TBC1D32: variants seen among roughly 807,000 people sequenced by gnomAD.
TBC1D32 encodes the protein protein broad-minded.
Under a neutral mutation model 170.3 loss-of-function variants are expected in TBC1D32, and 151 were observed. That is an observed-to-expected ratio of 0.89 (90% CI 0.78 to 1.01). TBC1D32 has a LOEUF of 1.01. TBC1D32 is among the 50% of genes least tolerant of loss of function. The pLI is 0.00. For synonymous variants in TBC1D32, 498 were observed against 488.0 expected, an observed-to-expected ratio of 1.02 and a Z score of -0.27; for missense variants, 1,464 against 1,457.1, an observed-to-expected ratio of 1.00 and a Z score of -0.08.
intron 4 of TBC1D32, among the ~76,000 whole-genome samples, chr6:121,310,366 G>A (rs113219297): frequency 0.014 from 2,187 of 152,144 alleles, 14 homozygotes; most frequent in Middle Eastern, 0.034. Context: ...GAATATACAC[G>A]ATTTTTATTT....
intron 29 of TBC1D32, among the ~76,000 whole-genome samples, chr6:121,109,645 T>C (rs1432134352): frequency 6.6e-6 from 1 of 152,154 alleles, no homozygotes; most frequent in Non-Finnish European, 1.5e-5. Flanking sequence ...TACAAAGTTT[T>C]TTTCTTAGTA....
chr6:121,303,228 C>A (rs1806743151), intron 9 of TBC1D32, among the ~76,000 whole-genome samples: 3 of 152,120 alleles, frequency 2.0e-5, no homozygotes, highest in African/African-American at 7.2e-5. Context: ...AGAAATATCT[C>A]CTAAGCCTGA....
At chr6:121,302,907 A>G (rs1031733260) in intron 9 of TBC1D32, among the ~76,000 whole-genome samples, 2 of 152,178 alleles carry the variant, frequency 1.3e-5, no homozygotes, top group Non-Finnish European at 2.9e-5. Context: ...GCTAGATAAC[A>G]TCCAAACTGT....
At chr6:121,085,589 G>C (rs1352904209) in intron 31 of TBC1D32, among the ~76,000 whole-genome samples, 1 of 151,678 alleles carries the variant, frequency 6.6e-6, no homozygotes, top group Non-Finnish European at 1.5e-5. Context: ...TATTTTAAAG[G>C]TTTTCAAGCT....
rs1441743303 is a variant in TBC1D32 at position 121,242,285 on chromosome 6, G to T, written c.2073C>A (p.Pro691=). Reference sequence around the variant, plus strand: ...TTCTTTGAAGAAGTAGTAATCCTTTGGGGGTGGCAGCAAAATGTAGTAAAT... The same window carrying T: ...TTCTTTGAAGAAGTAGTAATCCTTTTGGGGTGGCAGCAAAATGTAGTAAAT... ...LDDLLHFAAT[P]KGLLLLQRTG... The change falls in exon 18 of 32, where the codon CCC becomes CCA. Residue 691 remains proline, a synonymous_variant. Coordinates refer to ENST00000398212, the MANE Select transcript of TBC1D32 (RefSeq NM_152730.6). 1 of 1,612,356 alleles carries T rather than the reference G, an allele frequency of 6.2e-7. No homozygotes were observed. Among genetic ancestry groups the T allele is most frequent in the Non-Finnish European group, 8.5e-7 (1 of 1,179,138 alleles).
intron 15 of TBC1D32, among the ~76,000 whole-genome samples, chr6:121,271,778 G>T (rs1218638282): frequency 6.6e-6 from 1 of 152,046 alleles, no homozygotes; most frequent in Non-Finnish European, 1.5e-5. Context: ...AAGTTCATAT[G>T]GAATCAAAAA....
At chr6:121,114,100 G>A (rs1266765877) in intron 27 of TBC1D32, among the ~76,000 whole-genome samples, 6 of 152,084 alleles carry the variant, frequency 3.9e-5, no homozygotes, top group Middle Eastern at 3.2e-3. Flanking sequence ...CCTGAACCTG[G>A]GAGGCAGAGG....
chr6:121,300,646 A>C (rs1042346553), intron 9 of TBC1D32, among the ~76,000 whole-genome samples: 1 of 152,176 alleles, frequency 6.6e-6, no homozygotes, highest in Non-Finnish European at 1.5e-5. Context: ...CTTCATGACT[A>C]AAACACCAAA....
intron 3 of TBC1D32, among the ~76,000 whole-genome samples, chr6:121,315,057 G>A (rs1351091668): frequency 6.6e-6 from 1 of 152,156 alleles, no homozygotes; most frequent in Non-Finnish European, 1.5e-5. Flanking sequence ...ATTTGTCCAA[G>A]GCCACATCGC....
intron 21 of TBC1D32, among the ~76,000 whole-genome samples, chr6:121,212,125 G>A (rs1407632334): frequency 6.6e-6 from 1 of 151,894 alleles, no homozygotes; most frequent in Non-Finnish European, 1.5e-5. Context: ...AAACCTAGAA[G>A]AAATGGATAA....
rs114618182 is a variant in TBC1D32 at position 121,224,669 on chromosome 6, C to A, written c.2365-1317G>T. On this transcript the variant is annotated intron_variant, in intron 20 of 31. Transcript: ENST00000398212. ...TTCAGACACTATTTGACACCGACAC[C>A]CTTGTTCTACATCCTTCTTTGAGGA... Among the ~76,000 whole-genome samples, 579 of 152,088 alleles carry A rather than the reference C, an allele frequency of 3.8e-3. 2 individuals are homozygous for A. Among genetic ancestry groups the A allele is most frequent in the African/African-American group, 0.013 (527 of 41,528 alleles).
At chr6:121,214,757 G>C (rs1458953001) in intron 21 of TBC1D32, among the ~76,000 whole-genome samples, 1 of 152,180 alleles carries the variant, frequency 6.6e-6, no homozygotes, top group Admixed American at 6.5e-5. Context: ...GTGAGCATGA[G>C]CAGGAGGCAT....
chr6:121,170,242 C>T (rs1238930501), intron 22 of TBC1D32, among the ~76,000 whole-genome samples: 2 of 151,966 alleles, frequency 1.3e-5, no homozygotes, highest in Non-Finnish European at 2.9e-5. Flanking sequence ...CTATCATAAT[C>T]TTTCTGTGAC....
intron 22 of TBC1D32, among the ~76,000 whole-genome samples, chr6:121,178,069 G>A (rs948055988): frequency 6.6e-6 from 1 of 152,188 alleles, no homozygotes; most frequent in African/African-American, 2.4e-5. Context: ...GCAGGCAAGG[G>A]AAGAAGTGCC....
chr6:121,202,386 C>G (rs1301766384), intron 22 of TBC1D32, among the ~76,000 whole-genome samples: 1 of 150,110 alleles, frequency 6.7e-6, no homozygotes, highest in Non-Finnish European at 1.5e-5. Context: ...AAATGGTCCC[C>G]TATATCAAAT....
chr6:121,113,865 G>A (rs933524330), intron 27 of TBC1D32, among the ~76,000 whole-genome samples: 1 of 152,006 alleles, frequency 6.6e-6, no homozygotes, highest in Admixed American at 6.6e-5. Flanking sequence ...ACTAATAATT[G>A]TTCACCATTT....
At chr6:121,128,586 A>G (rs1781098101) in intron 25 of TBC1D32, among the ~76,000 whole-genome samples, 1 of 152,188 alleles carries the variant, frequency 6.6e-6, no homozygotes, top group African/African-American at 2.4e-5. Flanking sequence ...TAAATGACAG[A>G]TCTGGAATTT....
rs370526575 is a variant in TBC1D32, at chr6:121,225,077, A to AC, written c.2365-1726_2365-1725insG. Among the ~76,000 whole-genome samples, 737 of 152,176 alleles carry AC rather than the reference A, an allele frequency of 4.8e-3. 2 individuals are homozygous for AC. Among genetic ancestry groups the AC allele is most frequent in the Non-Finnish European group, 5.8e-3 (394 of 67,916 alleles). ...TATGCACTATAGAAAAGGAAGAAAA[A>AC]AATTGCCAAGGAAAGAATGTTTAAG... On this transcript the variant is annotated intron_variant, in intron 20 of 31. Transcript: ENST00000398212.
intron 1 of TBC1D32, among the ~76,000 whole-genome samples, chr6:121,324,279 AC>A (rs1234997095): frequency 1.3e-5 from 2 of 152,178 alleles, no homozygotes; most frequent in African/African-American, 4.8e-5. Context: ...TCATTTTGCA[AC>A]AAAAATTACA....
Sources: gnomAD v4.1 joint callset for allele counts (sites outside exome capture counted in the v4.1 genomes callset) on GRCh38, gnomAD v4.1.1 for gene constraint, MANE v1.5 for transcripts, NCBI Gene and HGNC (gene_info 2026-07-23, HGNC 2026-07-21) for gene names.